Variants in PXK observed in about 807,000 individuals in gnomAD.
PXK encodes the protein PX domain-containing protein kinase-like protein.
In PXK, 35 loss-of-function variants were observed where a neutral mutation model predicts 84.7. That is an observed-to-expected ratio of 0.41 (90% CI 0.32 to 0.55). The LOEUF is 0.55. Among genes scored for constraint, PXK ranks in the 20% least tolerant of loss-of-function variants. The probability of loss-of-function intolerance (pLI) is 0.21; values close to 1 mark genes in which losing one functional copy is unlikely to be tolerated. For synonymous variants in PXK, 253 were observed against 260.8 expected (o/e 0.97, Z 0.29); for missense variants, 634 against 699.7 (o/e 0.91, Z 1.06).
intron 3 of PXK, among the ~76,000 whole-genome samples, chr3:58,377,236 T>C (rs1184466657): frequency 6.6e-6 from 1 of 151,724 alleles, no homozygotes; most frequent in East Asian, 1.9e-4. Flanking sequence ...TTTCATCTTG[T>C]CCAGTATCAA....
chr3:58,424,500 T>C (rs2062517513), intron 17 of PXK, among the ~76,000 whole-genome samples: 1 of 152,232 alleles, frequency 6.6e-6, no homozygotes, highest in Admixed American at 6.5e-5. Context: ...TGTGGTTTCA[T>C]GTAATCTGTA....
Position 58,390,674 on chromosome 3 carries a change from C to T in PXK, c.466+15C>T, listed in dbSNP as rs777105945. 30 of 1,604,592 alleles carry T rather than the reference C, an allele frequency of 1.9e-5. No individual in the cohort carries two copies. The highest frequency in any genetic ancestry group is 6.8e-5 in the Admixed American group (4 of 59,142). On this transcript the variant is annotated intron_variant, in intron 5 of 17. Coordinates refer to ENST00000356151, the MANE Select transcript of PXK (RefSeq NM_017771.5). The surrounding 1 kb of genome is among the most constrained non-coding windows in gnomAD (Gnocchi z 4.2). ...GAAAGACATAGGTGAGACATTGGCA[C>T]GCTCATTCTGTTAAAAAGACAGATC... is the stretch of plus-strand genomic sequence containing the variant.
At chr3:58,417,602 AC>A (rs1337876852) in intron 17 of PXK, among the ~76,000 whole-genome samples, 1 of 151,946 alleles carries the variant, frequency 6.6e-6, no homozygotes, top group Non-Finnish European at 1.5e-5. Context: ...TTTTGCTGAG[AC>A]CCCTGTTTTT....
chr3:58,402,205 T>TCTC (rs993374608), intron 12 of PXK, among the ~76,000 whole-genome samples: 5 of 151,684 alleles, frequency 3.3e-5, no homozygotes, highest in African/African-American at 1.2e-4. Context: ...CCTCTTTCCC[T>TCTC]CTCCTCCTCC....
chr3:58,347,184 G>C (rs1331627484), intron 1 of PXK, among the ~76,000 whole-genome samples: 1 of 152,046 alleles, frequency 6.6e-6, no homozygotes, highest in Admixed American at 6.6e-5. Context: ...TGTTGTCCCG[G>C]CTGGTCTCGA....
At chr3:58,422,477 G>A (rs1448648803) in intron 17 of PXK, 1 of 985,194 alleles carries the variant, frequency 1.0e-6, no homozygotes, top group East Asian at 1.1e-4. Context: ...CTTTACTGGA[G>A]CCCTGGAGCC....
intron 17 of PXK, among the ~76,000 whole-genome samples, chr3:58,418,573 A>G (rs1048567943): frequency 6.6e-6 from 1 of 152,026 alleles, no homozygotes; most frequent in African/African-American, 2.4e-5. Context: ...GCTCTGCCAC[A>G]TTCCCGCTAT....
At chr3:58,387,433 T>A (rs2098562733) in intron 4 of PXK, among the ~76,000 whole-genome samples, 1 of 152,186 alleles carries the variant, frequency 6.6e-6, no homozygotes, top group Non-Finnish European at 1.5e-5. Context: ...AAAGAATAAT[T>A]TCCCCAGTTC....
In PXK at chr3:58,421,049, A is replaced by G; in HGVS notation, c.1529-3703A>G. On this transcript the variant is annotated intron_variant, in intron 17 of 17. Coordinates refer to ENST00000356151, the MANE Select transcript of PXK (RefSeq NM_017771.5). The surrounding 1 kb of genome is among the most constrained non-coding windows in gnomAD (Gnocchi z 5.5). Reference sequence around the variant, plus strand: ...TTGTAAGCATCCTTTATAATTCTCGAGCTGTGACAGGAGTACAGCCTCCTC... The same window carrying G: ...TTGTAAGCATCCTTTATAATTCTCGGGCTGTGACAGGAGTACAGCCTCCTC... 1.0e-6 allele frequency: 1 copy of G among 1,001,284 alleles called. No homozygotes were observed. The highest frequency in any genetic ancestry group is 1.2e-6 in the Non-Finnish European group (1 of 840,178). The allele number at this position is 1,001,284 out of a possible 1,614,324, so 62.0% of individuals were successfully genotyped here.
intron 7 of PXK, among the ~76,000 whole-genome samples, chr3:58,392,903 G>A (rs1027639917): frequency 1.1e-4 from 16 of 152,036 alleles, no homozygotes; most frequent in South Asian, 6.2e-4. Context: ...CTCATGATCC[G>A]CCTGCCTCGA....
At chr3:58,372,580 C>T (rs565540577) in intron 3 of PXK, among the ~76,000 whole-genome samples, 60 of 151,488 alleles carry the variant, frequency 4.0e-4, no homozygotes, top group African/African-American at 1.4e-3. Context: ...CCTCGGCCTC[C>T]CAAAGTGCTG....
intron 7 of PXK, among the ~76,000 whole-genome samples, chr3:58,394,503 C>CT (rs2057330636): frequency 1.3e-5 from 2 of 152,122 alleles, no homozygotes; most frequent in African/African-American, 4.8e-5. Context: ...TGTTTTCTGG[C>CT]TAGTATGCTT....
chr3:58,382,836 C>A, intron 4 of PXK, 136 bp downstream of exon 4: 2 of 609,884 alleles, frequency 3.3e-6, no homozygotes, highest in Non-Finnish European at 5.0e-6. Context: ...TATGAATTTA[C>A]TAAGATTTTC....
chr3:58,363,407 C>G (rs1416206887), intron 1 of PXK, among the ~76,000 whole-genome samples: 2 of 152,304 alleles, frequency 1.3e-5, no homozygotes, highest in East Asian at 3.9e-4. Flanking sequence ...TGGCTCACGG[C>G]AGTCATGACC....
At chr3:58,377,559 A>T (rs1399021266) in intron 3 of PXK, among the ~76,000 whole-genome samples, 1 of 151,874 alleles carries the variant, frequency 6.6e-6, no homozygotes, top group African/African-American at 2.4e-5. Flanking sequence ...TGGGAGGATT[A>T]CTTGCAACCA....
chr3:58,422,768 G>GC, intron 17 of PXK: 1 of 985,320 alleles, frequency 1.0e-6, no homozygotes, highest in Non-Finnish European at 1.2e-6. Context: ...CCCGTCTCCA[G>GC]CCCCCCAAAA....
chr3:58,413,071 A>T, intron 17 of PXK, 108 bp downstream of exon 17: 1 of 1,210,324 alleles, frequency 8.3e-7, no homozygotes, highest in Non-Finnish European at 1.2e-6. Flanking sequence ...AGATAGCAGC[A>T]GCTTTCTCAA....
intron 17 of PXK, chr3:58,423,129 C>G (rs1432347855): frequency 1.0e-6 from 1 of 985,244 alleles, no homozygotes; most frequent in Non-Finnish European, 1.2e-6. Context: ...GAGGTCTCCC[C>G]TCCTCCTGGT....
intron 1 of PXK, among the ~76,000 whole-genome samples, chr3:58,360,066 T>G (rs2098155571): frequency 6.6e-6 from 1 of 152,166 alleles, no homozygotes; most frequent in Non-Finnish European, 1.5e-5. Flanking sequence ...GAGGACTGCT[T>G]GAGCCCAGGA....
Sources: gnomAD v4.1 joint callset for allele counts (sites outside exome capture counted in the v4.1 genomes callset) on GRCh38, gnomAD v4.1.1 for gene constraint, Gnocchi (gnomAD v3.1) non-coding constraint, MANE v1.5 for transcripts, NCBI Gene and HGNC (gene_info 2026-07-23, HGNC 2026-07-21) for gene names.